Variants in DEFB121 observed in about 807,000 individuals in gnomAD.
DEFB121 encodes the protein beta-defensin 121.
A neutral mutation model predicts 2.5 loss-of-function variants in DEFB121; 5 were observed. The observed-to-expected ratio is 1.96, with a 90% CI of 1.03 to 4.13. DEFB121 has a LOEUF of 4.13. Ranked by LOEUF, DEFB121 falls within the 30% of genes most tolerant of loss-of-function variation. DEFB121 has a pLI of 0.00. For synonymous variants in DEFB121, 39 were observed against 32.6 expected (o/e 1.20, Z -0.67); for missense variants, 87 against 85.0 (o/e 1.02, Z -0.09).
upstream of DEFB121, among the ~76,000 whole-genome samples, chr20:31,409,640 C>A (rs554351339): frequency 6.6e-5 from 10 of 152,218 alleles, no homozygotes; most frequent in East Asian, 1.9e-3. Flanking sequence ...ACTTGGTAGG[C>A]TGAGGCAGGA....
upstream of DEFB121, among the ~76,000 whole-genome samples, chr20:31,410,486 A>G (rs1978628533): frequency 6.6e-6 from 1 of 152,214 alleles, no homozygotes; most frequent in African/African-American, 2.4e-5. Flanking sequence ...AGAGATGGAT[A>G]GGAGTTGATT....
At chr20:31,418,052 A>G in the DEFB121 span, among the ~76,000 whole-genome samples, 1 of 151,162 alleles carries the variant, frequency 6.6e-6, no homozygotes, top group South Asian at 2.1e-4. Context: ...CGAGGTCAGG[A>G]GATCGAGACC....
upstream of DEFB121, among the ~76,000 whole-genome samples, chr20:31,406,659 A>C (rs956791950): frequency 9.2e-5 from 14 of 152,214 alleles, no homozygotes; most frequent in Admixed American, 9.2e-4. Flanking sequence ...CACCACTGGA[A>C]ACCAGAATGT....
upstream of DEFB121, among the ~76,000 whole-genome samples, chr20:31,410,588 C>T (rs1196490378): frequency 6.6e-6 from 1 of 152,012 alleles, no homozygotes; most frequent in South Asian, 2.1e-4. Flanking sequence ...AATACATAAC[C>T]CTCTGCAACA....
chr20:31,405,004 T>C lies in DEFB121; in HGVS notation c.140A>G (p.Glu47Gly). Reference sequence around the variant, plus strand: ...CTTGGGATCCACACAGCACTTAGCCTCAGTTTTGCATAATATATAGTATAC... The same window carrying C: ...CTTGGGATCCACACAGCACTTAGCCCCAGTTTTGCATAATATATAGTATAC... The part of the protein sequence containing the change: ...SEVYYILCKT[E>G]AKCCVDPKYV... Residue 47 changes from glutamate to glycine, a missense_variant, in exon 2 of 2, where the codon GAG becomes GGG. Coordinates refer to ENST00000376314, the MANE Select transcript of DEFB121 (RefSeq NM_001011878.3). 1 of 1,613,984 alleles carries C rather than the reference T, an allele frequency of 6.2e-7. No individual in the cohort carries two copies. Among genetic ancestry groups the C allele is most frequent in the African/African-American group, 1.3e-5 (1 of 75,042 alleles).
chr20:31,411,842 G>C (rs934821788), intron 1 of DEFB121, among the ~76,000 whole-genome samples: 1 of 152,210 alleles, frequency 6.6e-6, no homozygotes, highest in African/African-American at 2.4e-5. Context: ...TTTCTGCAGT[G>C]CTGTGGTCCT....
chr20:31,409,627 G>A (rs1348551744), upstream of DEFB121, among the ~76,000 whole-genome samples: 4 of 152,178 alleles, frequency 2.6e-5, no homozygotes, highest in South Asian at 6.2e-4. Flanking sequence ...TGTAATCCCA[G>A]CTACTTGGTA....
At chr20:31,410,214 A>G (rs1978619793), upstream of DEFB121, among the ~76,000 whole-genome samples, 1 of 152,228 alleles carries the variant, frequency 6.6e-6, no homozygotes, top group Non-Finnish European at 1.5e-5. Flanking sequence ...TTGCAGCAAC[A>G]TGGATGCAGC....
upstream of DEFB121, among the ~76,000 whole-genome samples, chr20:31,409,594 A>T (rs1331901038): frequency 2.0e-5 from 3 of 152,092 alleles, no homozygotes; most frequent in Non-Finnish European, 4.4e-5. Flanking sequence ...TAACAAAATT[A>T]GCCAGACATG....
upstream of DEFB121, chr20:31,406,255 G>A (rs1978477925): frequency 3.9e-6 from 6 of 1,523,370 alleles, no homozygotes; most frequent in Non-Finnish European, 5.3e-6. Context: ...GCCTTGAGGA[G>A]CATGGCAGAG....
upstream of DEFB121, among the ~76,000 whole-genome samples, chr20:31,413,563 AGTGTGGAACCCAAGCT>A (rs1190363263): frequency 6.6e-6 from 1 of 152,188 alleles, no homozygotes; most frequent in Non-Finnish European, 1.5e-5. Flanking sequence ...CCCATATCTC[AGTGTGGAACCCAAGCT>A]GACTGAGTAG....
At chr20:31,412,000 C>A (rs932337327) in intron 1 of DEFB121, among the ~76,000 whole-genome samples, 4 of 152,212 alleles carry the variant, frequency 2.6e-5, no homozygotes, top group African/African-American at 9.6e-5. Context: ...GCCCATAAGT[C>A]ATAAGTGACC....
Position 31,406,081 on chromosome 20 carries a change from G to A in DEFB121, c.58+14C>T. ...GTTTCCTGACTCCCATCCCCTTCTG[G>A]AGATCCTGTTTACCTGGGGTGACCT... On this transcript the variant is annotated intron_variant, in intron 1 of 1. Coordinates refer to ENST00000376314, the MANE Select transcript of DEFB121 (RefSeq NM_001011878.3). 1.2e-6 allele frequency: 2 copies of A among 1,613,950 alleles called. No individual in the cohort carries two copies. The highest frequency in any genetic ancestry group is 1.3e-5 in the African/African-American group (1 of 75,044).
upstream of DEFB121, among the ~76,000 whole-genome samples, chr20:31,409,139 T>C (rs528707262): frequency 6.6e-6 from 1 of 152,210 alleles, no homozygotes; most frequent in African/African-American, 2.4e-5. Context: ...GTTAAAAAAA[T>C]AAAATAAACA....
At chr20:31,410,516 A>C (rs1281495425), upstream of DEFB121, among the ~76,000 whole-genome samples, 2 of 152,198 alleles carry the variant, frequency 1.3e-5, no homozygotes, top group Admixed American at 6.5e-5. Flanking sequence ...AAAGTTAATA[A>C]ATCAGTAAAA....
chr20:31,411,031 A>G (rs1171428438), upstream of DEFB121, among the ~76,000 whole-genome samples: 1 of 152,222 alleles, frequency 6.6e-6, no homozygotes, highest in Non-Finnish European at 1.5e-5. Context: ...GCTCTTGTGA[A>G]CACTGATAAG....
chr20:31,406,283 GA>G, upstream of DEFB121: 1 of 1,457,456 alleles, frequency 6.9e-7, no homozygotes, highest in Non-Finnish European at 9.1e-7. Context: ...CAGTGAACCA[GA>G]ACGGGAACAG....
upstream of DEFB121, among the ~76,000 whole-genome samples, chr20:31,406,497 A>G (rs1366486576): frequency 3.3e-5 from 5 of 152,228 alleles, no homozygotes; most frequent in Admixed American, 3.3e-4. Context: ...AGAGAGAAAA[A>G]GAGATAAGAC....
chr20:31,406,269 A>C, upstream of DEFB121: 1 of 1,490,196 alleles, frequency 6.7e-7, no homozygotes, highest in South Asian at 1.4e-5. Flanking sequence ...GGCAGAGCCA[A>C]GATCAGTGAA....
Sources: allele counts gnomAD v4.1 joint callset (sites outside exome capture counted in the v4.1 genomes callset), GRCh38; gene constraint gnomAD v4.1.1; transcripts MANE v1.5; gene names NCBI Gene and HGNC (gene_info 2026-07-23, HGNC 2026-07-21).